The following CERT1 variants were observed in gnomAD, a reference collection of about 807,000 sequenced individuals.
CERT1 encodes the protein ceramide transfer protein.
A neutral mutation model predicts 87.9 loss-of-function variants in CERT1; 31 were observed. The observed-to-expected ratio is 0.35, with a 90% confidence interval of 0.27 to 0.48. The LOEUF (loss-of-function observed/expected upper bound fraction) is 0.48, where lower values mean the gene tolerates loss of function less well. Ranked by LOEUF, CERT1 falls within the 20% of genes least tolerant of loss-of-function variation. The pLI, the probability that CERT1 is intolerant of heterozygous loss-of-function variation, is 0.99. For synonymous variants in CERT1, 289 were observed against 250.9 expected, an observed-to-expected ratio of 1.15 and a Z score of -1.44; for missense variants, 487 against 758.0, an observed-to-expected ratio of 0.64 and a Z score of 4.20.
intron 12 of CERT1, among the ~76,000 whole-genome samples, chr5:75,386,815 C>T (rs540465147): frequency 6.6e-6 from 1 of 152,170 alleles, no homozygotes; most frequent in Non-Finnish European, 1.5e-5. Flanking sequence ...ACTAGAAACT[C>T]TAGACTTTTG....
intron 2 of CERT1, among the ~76,000 whole-genome samples, chr5:75,486,595 C>T (rs893526309): frequency 6.6e-6 from 1 of 151,896 alleles, no homozygotes; most frequent in Non-Finnish European, 1.5e-5. Context: ...TTTGAAACAA[C>T]CTAAAAACTC....
chr5:75,377,375 C>A (rs753582555), downstream of CERT1: 1 of 152,160 alleles, frequency 6.6e-6, no homozygotes, highest in Admixed American at 6.5e-5. Context: ...CCAGTAGTAC[C>A]ACATCTATTA....
Position 75,510,927 on chromosome 5 carries a change from C to A in CERT1, c.96+185G>T, listed in dbSNP as rs1580879897. 2.6e-5 allele frequency among the ~76,000 whole-genome samples: 4 copies of A among 152,292 alleles called. No individual in the cohort carries two copies. The East Asian group carries it at 7.7e-4, about 29-fold the overall frequency. On this transcript the variant is annotated intron_variant, in intron 1 of 16. Coordinates refer to ENST00000643780, the MANE Select transcript of CERT1 (RefSeq NM_001379029.1). ...TTCCCTGGTCCTCGGCTGCCCCCGA[C>A]GAGCCCCCGGGCAACAAGGACAGTG...
chr5:75,464,591 G>GT (rs1263543613), intron 2 of CERT1, among the ~76,000 whole-genome samples: 8 of 152,032 alleles, frequency 5.3e-5, no homozygotes, highest in South Asian at 2.1e-4. Context: ...TTTTTTGTTT[G>GT]TTTTTTGGAC....
chr5:75,407,574 G>C (rs1762758089), intron 8 of CERT1, among the ~76,000 whole-genome samples: 1 of 149,594 alleles, frequency 6.7e-6, no homozygotes, highest in South Asian at 2.1e-4. Flanking sequence ...AACAACCAAA[G>C]GACATGGCCA....
chr5:75,432,780 T>C (rs1257338422), intron 3 of CERT1, among the ~76,000 whole-genome samples: 3 of 152,266 alleles, frequency 2.0e-5, no homozygotes, highest in Non-Finnish European at 4.4e-5. Context: ...CCAAGGCCTA[T>C]GCCTAGACCA....
intron 8 of CERT1, 189 bp downstream of exon 8, chr5:75,410,822 C>A: frequency 2.7e-6 from 1 of 370,152 alleles, no homozygotes; most frequent in Non-Finnish European, 4.7e-6. Flanking sequence ...ACTTTGTAGG[C>A]AATAAGAAAT....
chr5:75,438,976 AT>A (rs1220781844), intron 3 of CERT1, among the ~76,000 whole-genome samples: 3 of 151,594 alleles, frequency 2.0e-5, no homozygotes, highest in African/African-American at 4.8e-5. Flanking sequence ...TAAATTAACA[AT>A]CTTTTGGCCA....
chr5:75,511,479 C>T lies in CERT1; in HGVS notation c.-272G>A, dbSNP rs1347196580. The T allele has an allele frequency of 6.6e-7, 1 of 1,506,080 alleles. No individual in the cohort carries two copies. Among genetic ancestry groups the T allele is most frequent in the Admixed American group, 2.2e-5 (1 of 44,968 alleles). The allele number at this position is 1,506,080 out of a possible 1,614,324, so 93.3% of individuals were successfully genotyped here. A position where few individuals can be genotyped will look rare whatever the true frequency, so the allele number is the denominator to read the frequency against. On this transcript the variant is annotated 5_prime_UTR_variant, in exon 1 of 17. Transcript: ENST00000643780. ...CGTCGCCGTGACCCCTGCGTTGCGC[C>T]CGGCGCTGCCACCCGAACTTAGCCC...
intron 3 of CERT1, among the ~76,000 whole-genome samples, chr5:75,436,677 A>G (rs1431970236): frequency 6.6e-5 from 10 of 152,182 alleles, no homozygotes; most frequent in Admixed American, 6.5e-4. Flanking sequence ...TTTGAAATAT[A>G]ATAATACCCC....
chr5:75,438,076 T>C (rs1561263454), intron 3 of CERT1, among the ~76,000 whole-genome samples: 1 of 152,108 alleles, frequency 6.6e-6, no homozygotes, highest in Admixed American at 6.5e-5. Flanking sequence ...TCAAATCATT[T>C]TGGTGATTTT....
chr5:75,402,789 G>C (rs1580721278), intron 9 of CERT1, 183 bp downstream of exon 9: 1 of 442,392 alleles, frequency 2.3e-6, no homozygotes, highest in East Asian at 3.9e-5. Flanking sequence ...AACAGAGCGA[G>C]ACTCTGTCTC....
chr5:75,499,244 T>C (rs1478148183), intron 2 of CERT1, among the ~76,000 whole-genome samples: 1 of 152,156 alleles, frequency 6.6e-6, no homozygotes, highest in Non-Finnish European at 1.5e-5. Context: ...GCTAAGACTT[T>C]GGGGGACTGT....
At chr5:75,429,667 G>C (rs1321517941) in intron 3 of CERT1, among the ~76,000 whole-genome samples, 1 of 152,076 alleles carries the variant, frequency 6.6e-6, no homozygotes, top group Non-Finnish European at 1.5e-5. Context: ...CTAGGTGACA[G>C]AGCAAGAAGA....
chr5:75,413,186 G>C (rs777127927), intron 7 of CERT1, among the ~76,000 whole-genome samples: 4 of 152,058 alleles, frequency 2.6e-5, no homozygotes, highest in Non-Finnish European at 4.4e-5. Context: ...GATGTCACTA[G>C]GCAAAAGGAA....
At chr5:75,502,272 A>C (rs1345876858) in intron 2 of CERT1, among the ~76,000 whole-genome samples, 1 of 152,192 alleles carries the variant, frequency 6.6e-6, no homozygotes, top group Non-Finnish European at 1.5e-5. Context: ...CAGTTTGACA[A>C]ATACTTTAAC....
In CERT1 at chr5:75,511,351, A is replaced by C. The variant is rs1344254455; in HGVS notation, c.-144T>G. ...GTGGGGGGGAGCAGGAGGAGGGACG[A>C]AGTCCGCCCGCCGCGCCGCCGCCGC... On this transcript the variant is annotated 5_prime_UTR_variant, in exon 1 of 17. Coordinates refer to ENST00000643780, the MANE Select transcript of CERT1 (RefSeq NM_001379029.1). 1 of 1,542,948 alleles carries C rather than the reference A, an allele frequency of 6.5e-7. No individual in the cohort carries two copies. Among genetic ancestry groups the C allele is most frequent in the East Asian group, 2.4e-5 (1 of 40,844 alleles).
intron 2 of CERT1, among the ~76,000 whole-genome samples, chr5:75,501,122 C>T (rs368052621): frequency 6.6e-5 from 10 of 152,004 alleles, no homozygotes; most frequent in African/African-American, 2.2e-4. Flanking sequence ...GCTGAGACTA[C>T]AGATGTGTAC....
At chr5:75,397,476 T>C (rs1762301108) in intron 11 of CERT1, among the ~76,000 whole-genome samples, 2 of 152,210 alleles carry the variant, frequency 1.3e-5, no homozygotes, top group African/African-American at 4.8e-5. Context: ...ATTCAGCTGT[T>C]CTACAGCACT....
Sources: gnomAD v4.1 joint callset for allele counts (sites outside exome capture counted in the v4.1 genomes callset) on GRCh38, gnomAD v4.1.1 for gene constraint, MANE v1.5 for transcripts, NCBI Gene and HGNC (gene_info 2026-07-23, HGNC 2026-07-21) for gene names.